The following CSMD1 variants were observed in gnomAD, a reference collection of about 807,000 sequenced individuals.
CSMD1 encodes the protein CUB and Sushi multiple domains 1.
Under a neutral mutation model 417.5 loss-of-function variants are expected in CSMD1, and 213 were observed. The ratio of observed to expected loss-of-function variants is 0.51; its 90% CI spans 0.46 to 0.57. The LOEUF (loss-of-function observed/expected upper bound fraction) is 0.57. Ranked by LOEUF, CSMD1 falls within the 20% of genes least tolerant of loss-of-function variation. The pLI, the probability that CSMD1 is intolerant of heterozygous loss-of-function variation, is 0.00. For missense variants in CSMD1, 6,923 were observed against 4,529.7 expected (o/e 1.53, Z -15.17); for synonymous variants, 2,862 against 1,736.8 (o/e 1.65, Z -16.11).
chr8:4,149,045 C>G (rs980765002), intron 3 of CSMD1, among the ~76,000 whole-genome samples: 29 of 151,774 alleles, frequency 1.9e-4, no homozygotes, highest in African/African-American at 7.0e-4. Flanking sequence ...CTCACTGCAA[C>G]CTCCACCTCC....
intron 26 of CSMD1, among the ~76,000 whole-genome samples, chr8:3,261,906 C>T (rs905737673): frequency 7.2e-5 from 11 of 152,004 alleles, no homozygotes; most frequent in Admixed American, 3.9e-4. Context: ...GATCCTATTC[C>T]TGGGGGAAAT....
At chr8:4,203,775 C>T (rs1337869594) in intron 3 of CSMD1, among the ~76,000 whole-genome samples, 2 of 151,986 alleles carry the variant, frequency 1.3e-5, no homozygotes, top group African/African-American at 4.8e-5. Flanking sequence ...TATATATGTA[C>T]ATATACATAA....
At chr8:4,645,844 G>A (rs1803485994) in intron 1 of CSMD1, among the ~76,000 whole-genome samples, 1 of 152,060 alleles carries the variant, frequency 6.6e-6, no homozygotes, top group Non-Finnish European at 1.5e-5. Context: ...GAGGCTTCAT[G>A]GCACCCCACG....
chr8:3,940,896 G>A (rs974645796), intron 5 of CSMD1, among the ~76,000 whole-genome samples: 44 of 131,910 alleles, frequency 3.3e-4, no homozygotes, highest in African/African-American at 1.3e-3. Context: ...TTCTCCCCCC[G>A]AGATTATGTC....
intron 11 of CSMD1, among the ~76,000 whole-genome samples, chr8:3,477,761 A>G (rs966759479): frequency 3.9e-5 from 6 of 152,170 alleles, no homozygotes; most frequent in Non-Finnish European, 8.8e-5. Flanking sequence ...CAGATACAGT[A>G]TTGAGGAGGT....
At chr8:4,586,397 G>C (rs751434917) in intron 2 of CSMD1, among the ~76,000 whole-genome samples, 3 of 152,088 alleles carry the variant, frequency 2.0e-5, no homozygotes, top group Non-Finnish European at 1.5e-5. Flanking sequence ...AACTGTTAAA[G>C]TCACAGACCA....
intron 10 of CSMD1, among the ~76,000 whole-genome samples, chr8:3,494,405 A>T (rs1357810114): frequency 1.3e-5 from 2 of 152,184 alleles, no homozygotes; most frequent in African/African-American, 4.8e-5. Flanking sequence ...TTGGTGGCCA[A>T]TACTATGAGG....
Position 4,198,210 on chromosome 8 carries a change from A to C in CSMD1, c.416-166111T>G, listed in dbSNP as rs558778643. ...CCAAGCAGAGAGTCCAAGGTAGCAA[A>C]TACAAAGAGGTGCGGAGCACCACAT... On this transcript the variant is annotated intron_variant, in intron 3 of 69. Transcript: ENST00000635120. Among the ~76,000 whole-genome samples the C allele has an allele frequency of 2.6e-5, 4 of 152,328 alleles. No individual in the cohort carries two copies. The East Asian group carries it at 5.8e-4, about 22-fold the overall frequency.
chr8:3,563,042 A>G (rs558361301), intron 10 of CSMD1, among the ~76,000 whole-genome samples: 105 of 152,172 alleles, frequency 6.9e-4, no homozygotes, highest in African/African-American at 2.4e-3. Context: ...ATGCAATGCC[A>G]TTCTTTGCTT....
chr8:4,449,038 T>G (rs1042120560), intron 2 of CSMD1, among the ~76,000 whole-genome samples: 1 of 152,190 alleles, frequency 6.6e-6, no homozygotes, highest in Non-Finnish European at 1.5e-5. Context: ...TTATGGTTCT[T>G]GAGTAAAAGG....
At position 4,269,966 on chromosome 8, in the gene CSMD1, C is replaced by G. The variant is rs1028777453; in HGVS notation, c.415+149987G>C. On this transcript the variant is annotated intron_variant, in intron 3 of 69. Transcript: ENST00000635120. ...GGGGGAAACCACGACCTCTCTGAGG[C>G]ACAGCAAAATGTTGACCTGAGCTTG... 3.3e-5 allele frequency among the ~76,000 whole-genome samples: 5 copies of G among 152,152 alleles called. No individual in the cohort carries two copies. The South Asian group carries it at 6.2e-4, about 19-fold the overall frequency.
chr8:3,543,468 G>T (rs893078075), intron 10 of CSMD1, among the ~76,000 whole-genome samples: 1 of 152,104 alleles, frequency 6.6e-6, no homozygotes, highest in Non-Finnish European at 1.5e-5. Context: ...AATAATCTAG[G>T]CAAGCAGTGA....
At chr8:4,907,788 A>G (rs1464924822) in intron 1 of CSMD1, among the ~76,000 whole-genome samples, 1 of 151,238 alleles carries the variant, frequency 6.6e-6, no homozygotes, top group African/African-American at 2.4e-5. Context: ...CTGCTCCGAA[A>G]CCCCTGGGCT....
intron 3 of CSMD1, among the ~76,000 whole-genome samples, chr8:4,166,272 T>C (rs989689485): frequency 6.6e-6 from 1 of 152,172 alleles, no homozygotes; most frequent in Non-Finnish European, 1.5e-5. Flanking sequence ...ATAAAATACA[T>C]AAACATAAAA....
At chr8:4,250,438 A>T (rs1169965014) in intron 3 of CSMD1, among the ~76,000 whole-genome samples, 1 of 152,160 alleles carries the variant, frequency 6.6e-6, no homozygotes, top group Non-Finnish European at 1.5e-5. Context: ...CCTGGGGAAC[A>T]TGCGTAATAC....
At chr8:3,239,595 G>A (rs1203894344) in intron 26 of CSMD1, among the ~76,000 whole-genome samples, 1 of 152,176 alleles carries the variant, frequency 6.6e-6, no homozygotes, top group Non-Finnish European at 1.5e-5. Flanking sequence ...TCTCTGAGAA[G>A]TAGTAGAATA....
At chr8:4,301,964 C>T (rs771430343) in intron 3 of CSMD1, among the ~76,000 whole-genome samples, 6 of 152,126 alleles carry the variant, frequency 3.9e-5, no homozygotes, top group Non-Finnish European at 8.8e-5. Flanking sequence ...CTTCTTAGTG[C>T]CTCAAACTAG....
At chr8:3,252,431 A>G (rs1009086550) in intron 26 of CSMD1, among the ~76,000 whole-genome samples, 1 of 152,182 alleles carries the variant, frequency 6.6e-6, no homozygotes, top group African/African-American at 2.4e-5. Context: ...CATGGTGGAT[A>G]AGCTTTTTGA....
chr8:3,742,099 G>A (rs939587853), intron 6 of CSMD1, among the ~76,000 whole-genome samples: 2 of 151,728 alleles, frequency 1.3e-5, no homozygotes, highest in African/African-American at 4.9e-5. Flanking sequence ...TGGCTCTGCT[G>A]ATGAGGAATC....
Sources: allele counts gnomAD v4.1 joint callset (sites outside exome capture counted in the v4.1 genomes callset), GRCh38; gene constraint gnomAD v4.1.1; transcripts MANE v1.5; gene names NCBI Gene and HGNC (gene_info 2026-07-23, HGNC 2026-07-21).